Variants in ECE1 observed in about 807,000 individuals in gnomAD.
ECE1 encodes the protein endothelin-converting enzyme 1.
In ECE1, 35 loss-of-function variants were observed where a neutral mutation model predicts 98.6. The observed-to-expected ratio is 0.35, with a 90% CI of 0.27 to 0.47. The LOEUF is 0.47. ECE1 is among the 20% of genes least tolerant of loss of function. The pLI is 1.00. For synonymous variants in ECE1, 394 were observed against 407.1 expected, an observed-to-expected ratio of 0.97 and a Z score of 0.39; for missense variants, 814 against 1,025.3, an observed-to-expected ratio of 0.79 and a Z score of 2.81.
chr1:21,317,561 G>A (rs79272702), intron 1 of ECE1, among the ~76,000 whole-genome samples: 1 of 152,222 alleles, frequency 6.6e-6, no homozygotes, highest in African/African-American at 2.4e-5. Flanking sequence ...ATGGGCCCAG[G>A]CTGGCTGGAG....
At chr1:21,311,073 A>C (rs1284758008) in intron 1 of ECE1, among the ~76,000 whole-genome samples, 2 of 152,248 alleles carry the variant, frequency 1.3e-5, no homozygotes, top group Non-Finnish European at 2.9e-5. Context: ...CATCGTGGGC[A>C]ATCAGGCTGG....
In ECE1 at chr1:21,322,238, T is replaced by G. The variant is rs1569755936; in HGVS notation, c.3+23138A>C. ...CAGTGAGATGGAGTGGGGATGGGGGTGTGGATAAAACCAGGAGACCCCACA... is the reference window on the plus strand; with the variant it reads ...CAGTGAGATGGAGTGGGGATGGGGGGGTGGATAAAACCAGGAGACCCCACA... On this transcript the variant is annotated intron_variant, in intron 1 of 18. Coordinates refer to the ECE1 transcript ENST00000415912. The surrounding 1 kb of genome is among the most constrained non-coding windows in gnomAD (Gnocchi z 4.1). 6.6e-6 allele frequency among the ~76,000 whole-genome samples: 1 copy of G among 151,230 alleles called. No individual in the cohort carries two copies. The highest frequency in any genetic ancestry group is 6.6e-5 in the Admixed American group (1 of 15,174).
At chr1:21,278,295 G>C (rs2098249850) in intron 3 of ECE1, among the ~76,000 whole-genome samples, 1 of 152,198 alleles carries the variant, frequency 6.6e-6, no homozygotes, top group Non-Finnish European at 1.5e-5. Flanking sequence ...CTCTGTGTGA[G>C]GCAGCTGGCT....
chr1:21,237,657 T>A (rs766519166), intron 11 of ECE1, among the ~76,000 whole-genome samples: 1 of 152,206 alleles, frequency 6.6e-6, no homozygotes, highest in Admixed American at 6.5e-5. Flanking sequence ...CGTCTCCACA[T>A]TGCAGATGAT....
At chr1:21,268,253 G>C (rs912199521) in intron 4 of ECE1, among the ~76,000 whole-genome samples, 2 of 152,204 alleles carry the variant, frequency 1.3e-5, no homozygotes, top group Non-Finnish European at 2.9e-5. Context: ...CCAAGGCAGG[G>C]CCAAGTCTAA....
chr1:21,292,963 C>T (rs532799242), upstream of ECE1, among the ~76,000 whole-genome samples: 47 of 152,276 alleles, frequency 3.1e-4, no homozygotes, highest in Admixed American at 3.0e-3. Context: ...TAGAACAGGA[C>T]ACTTGGTTAC....
In ECE1 at chr1:21,258,134, C is replaced by A. The variant is rs1161457935; in HGVS notation, c.763-544G>T. Among the ~76,000 whole-genome samples, 1 of 152,170 alleles carries A rather than the reference C, an allele frequency of 6.6e-6. No individual in the cohort carries two copies. The highest frequency in any genetic ancestry group is 2.4e-5 in the African/African-American group (1 of 41,428). ...GGCATACCTAGGACAGGTGTTATTG[C>A]AATCCATTTGATTTATAAGGTAACT... On this transcript the variant is annotated intron_variant, in intron 6 of 18. Transcript: ENST00000374893. This position sits in a 1 kb window ranked among gnomAD's most constrained non-coding sequence, Gnocchi z 4.2.
intron 1 of ECE1, among the ~76,000 whole-genome samples, chr1:21,326,451 A>G (rs956256087): frequency 1.3e-5 from 2 of 152,074 alleles, no homozygotes; most frequent in African/African-American, 2.4e-5. Context: ...CCAGGGTCTA[A>G]GGGTGAAGAA....
chr1:21,322,807 A>G lies in ECE1; in HGVS notation c.3+22569T>C, dbSNP rs529576940. Among the ~76,000 whole-genome samples, 5 of 152,310 alleles carry G rather than the reference A, an allele frequency of 3.3e-5. No homozygotes were observed. In the South Asian group the frequency reaches 1.0e-3, roughly 32 times the overall value. On this transcript the variant is annotated intron_variant, in intron 1 of 18. Coordinates refer to the ECE1 transcript ENST00000415912. The surrounding 1 kb of genome is among the most constrained non-coding windows in gnomAD (Gnocchi z 4.1). ...AGAGAAAGAAACGGGGAGGCCGGGA[A>G]GGGAAGTGGGCATGGCCCCCGGAAG...
At chr1:21,302,704 C>T (rs773132373) in intron 1 of ECE1, among the ~76,000 whole-genome samples, 7 of 152,204 alleles carry the variant, frequency 4.6e-5, no homozygotes, top group Non-Finnish European at 8.8e-5. Flanking sequence ...GAGTTCAAGC[C>T]GAGTGCTCCC....
intron 1 of ECE1, among the ~76,000 whole-genome samples, chr1:21,335,172 C>T (rs927914751): frequency 5.3e-5 from 8 of 152,098 alleles, no homozygotes; most frequent in South Asian, 2.1e-4. Context: ...TCATCTCCCC[C>T]GCCCCCGTCT....
intron 1 of ECE1, among the ~76,000 whole-genome samples, chr1:21,311,395 G>A (rs1454214131): frequency 2.6e-5 from 4 of 151,928 alleles, no homozygotes; most frequent in Non-Finnish European, 4.4e-5. Context: ...CATGCGGGCC[G>A]GGCATGGGGG....
In ECE1 at chr1:21,255,959, T is replaced by G. The variant is rs1462461556; in HGVS notation, c.1008A>C (p.Ala336=). The change falls in exon 8 of 19, where the codon GCA becomes GCC. Residue 336 remains alanine, a synonymous_variant. Coordinates refer to ENST00000374893, the MANE Select transcript of ECE1 (RefSeq NM_001397.3). ...GCGCTCAAGTTACCTGCAGCTCGGC[T>G]GCCGTCACTTTGTGGTAGATGAGCT... ...DEELIYHKVT[A]AELQTLAPAI... is the part of the protein sequence containing the mutation. 6.2e-7 allele frequency: 1 copy of G among 1,613,998 alleles called. No homozygotes were observed. The highest frequency in any genetic ancestry group is 8.5e-7 in the Non-Finnish European group (1 of 1,180,006).
chr1:21,325,359 G>T (rs1242623277), intron 1 of ECE1, among the ~76,000 whole-genome samples: 3 of 152,232 alleles, frequency 2.0e-5, no homozygotes. Flanking sequence ...CAATTAAGGG[G>T]CAAGAGGGGC....
intron 1 of ECE1, among the ~76,000 whole-genome samples, chr1:21,334,340 G>A (rs539425047): frequency 5.5e-4 from 84 of 152,320 alleles, no homozygotes; most frequent in African/African-American, 1.9e-3. Context: ...ACAGGATGCC[G>A]AGTAACCACC....
chr1:21,345,495 C>G lies in ECE1; in HGVS notation c.-117G>C, dbSNP rs1435177753. ...GGACGGCTCGGCTGCCTGGCCCAGG[C>G]GGCGCGCTCAGCTCCAGCGGGCGAG... is the stretch of plus-strand genomic sequence containing the variant. On this transcript the variant is annotated 5_prime_UTR_variant, in exon 1 of 19. Coordinates refer to the ECE1 transcript ENST00000415912. This position sits in a 1 kb window ranked among gnomAD's most constrained non-coding sequence, Gnocchi z 5.1. The G allele has an allele frequency of 5.9e-6, 6 of 1,022,688 alleles. No individual in the cohort carries two copies. Among genetic ancestry groups the G allele is most frequent in the Non-Finnish European group, 6.2e-6 (5 of 806,972 alleles). The allele number at this position is 1,022,688 out of a possible 1,614,324, so 63.4% of individuals were successfully genotyped here.
At chr1:21,324,758 G>T (rs1569761821) in intron 1 of ECE1, among the ~76,000 whole-genome samples, 2 of 152,358 alleles carry the variant, frequency 1.3e-5, no homozygotes, top group South Asian at 4.1e-4. Context: ...GACAAATGGA[G>T]GCGGAGGTGG....
chr1:21,309,138 T>C (rs535704581), intron 1 of ECE1, among the ~76,000 whole-genome samples: 1 of 152,300 alleles, frequency 6.6e-6, no homozygotes, highest in Admixed American at 6.5e-5. Flanking sequence ...ACACTGGGGT[T>C]CCAGAGTTCT....
rs2098173407 is a variant in ECE1, at chr1:21,225,757, T to A, written c.1850-317A>T. On this transcript the variant is annotated intron_variant, in intron 16 of 18. Transcript: ENST00000374893. The surrounding 1 kb of genome is among the most constrained non-coding windows in gnomAD (Gnocchi z 5.3). ...CTCAGGCTGGAGTGCAGTGGCGCAA[T>A]CTCAGCTCACTGCAACCTTTGCCTC... 6.7e-6 allele frequency among the ~76,000 whole-genome samples: 1 copy of A among 149,772 alleles called. No individual in the cohort carries two copies. Among genetic ancestry groups the A allele is most frequent in the South Asian group, 2.1e-4 (1 of 4,758 alleles).
Sources: gnomAD v4.1 joint callset for allele counts (sites outside exome capture counted in the v4.1 genomes callset) on GRCh38, gnomAD v4.1.1 for gene constraint, Gnocchi (gnomAD v3.1) non-coding constraint, MANE v1.5 for transcripts, NCBI Gene and HGNC (gene_info 2026-07-23, HGNC 2026-07-21) for gene names.